Variants in FRMPD2 observed in about 807,000 individuals in gnomAD.
FRMPD2 encodes the protein FERM and PDZ domain-containing protein 2.
In FRMPD2, 96 loss-of-function variants were observed where a neutral mutation model predicts 140.1. The observed-to-expected ratio is 0.69, with a 90% CI of 0.58 to 0.81. The LOEUF (loss-of-function observed/expected upper bound fraction) is 0.81, where lower values mean the gene tolerates loss of function less well. FRMPD2 is among the 40% of genes least tolerant of loss of function. FRMPD2 has a pLI of 0.00. For missense variants in FRMPD2, 1,240 were observed against 1,447.4 expected, an observed-to-expected ratio of 0.86 and a Z score of 2.32; for synonymous variants, 449 against 547.6, an observed-to-expected ratio of 0.82 and a Z score of 2.52.
At chr10:48,159,370 C>T in intron 28 of FRMPD2, 1 of 414,662 alleles carries the variant, frequency 2.4e-6, no homozygotes, top group Non-Finnish European at 4.8e-6. Context: ...CTGGGGATAC[C>T]CAAGGATAGC....
intron 1 of FRMPD2, among the ~76,000 whole-genome samples, chr10:48,255,759 A>C (rs1840477556): frequency 6.6e-6 from 1 of 152,200 alleles, no homozygotes; most frequent in East Asian, 1.9e-4. Context: ...ACTGAAGCTG[A>C]GATTTGGAAG....
intron 1 of FRMPD2, among the ~76,000 whole-genome samples, chr10:48,269,352 C>G (rs1418821161): frequency 6.6e-6 from 1 of 152,136 alleles, no homozygotes; most frequent in Non-Finnish European, 1.5e-5. Flanking sequence ...AATTCTCTGC[C>G]TCCTAGGGAA....
intron 11 of FRMPD2, 92 bp downstream of exon 11, chr10:48,223,031 T>A: frequency 5.2e-6 from 6 of 1,158,234 alleles, no homozygotes; most frequent in Non-Finnish European, 7.4e-6. Flanking sequence ...TAATTTACAG[T>A]TTGCAAAGCA....
intron 1 of FRMPD2, among the ~76,000 whole-genome samples, chr10:48,266,003 A>T (rs746282910): frequency 6.6e-6 from 1 of 152,170 alleles, no homozygotes; most frequent in Non-Finnish European, 1.5e-5. Context: ...AAGAAAATGT[A>T]GTATATATAC....
At position 48,157,234 on chromosome 10, in the gene FRMPD2, T is replaced by C. The variant is rs1490556533; in HGVS notation, c.*88A>G. 1.5e-6 allele frequency: 1 copy of C among 661,150 alleles called. No individual in the cohort carries two copies. Among genetic ancestry groups the C allele is most frequent in the Non-Finnish European group, 2.8e-6 (1 of 358,468 alleles). The allele number at this position is 661,150 out of a possible 1,614,324, so 41.0% of individuals were successfully genotyped here. A position where few individuals can be genotyped will look rare whatever the true frequency, so the allele number is the denominator to read the frequency against. On this transcript the variant is annotated 3_prime_UTR_variant, in exon 29 of 29. Coordinates refer to ENST00000374201, the MANE Select transcript of FRMPD2 (RefSeq NM_001018071.4). ...CAAGACTTCCAGGGGCTGCCCCAAGTTCGCCACACACGCCTCTTGATTAGA... is the reference window on the plus strand; with the variant it reads ...CAAGACTTCCAGGGGCTGCCCCAAGCTCGCCACACACGCCTCTTGATTAGA...
rs79472199 is a variant in FRMPD2, at chr10:48,194,816, C to T, written c.1955-1922G>A. On this transcript the variant is annotated intron_variant, in intron 15 of 28. Transcript: ENST00000374201. Reference sequence around the variant, plus strand: ...CTGGTGAGTGCCAGTGTCATCGCCACGCCTCAGCTTCATGGGGCTGACTGG... The same window carrying T: ...CTGGTGAGTGCCAGTGTCATCGCCATGCCTCAGCTTCATGGGGCTGACTGG... Among the ~76,000 whole-genome samples, 493 of 152,212 alleles carry T rather than the reference C, an allele frequency of 3.2e-3. 1 individual carries two copies. Among genetic ancestry groups the T allele is most frequent in the African/African-American group, 0.011 (454 of 41,524 alleles).
chr10:48,203,884 C>T (rs527924566), intron 14 of FRMPD2, among the ~76,000 whole-genome samples: 3 of 152,268 alleles, frequency 2.0e-5, no homozygotes, highest in South Asian at 4.1e-4. Context: ...CACGTCCCTT[C>T]GCACCAGGTG....
intron 7 of FRMPD2, among the ~76,000 whole-genome samples, chr10:48,239,059 C>T (rs1468538017): frequency 5.9e-5 from 9 of 152,148 alleles, no homozygotes; most frequent in East Asian, 3.9e-4. Flanking sequence ...GCCATTGTCA[C>T]GAGAACAATC....
At chr10:48,176,668 ATATT>A (rs1838417428) in intron 22 of FRMPD2, among the ~76,000 whole-genome samples, 2 of 151,520 alleles carry the variant, frequency 1.3e-5, no homozygotes, top group African/African-American at 4.9e-5. Context: ...CAGCAAATAT[ATATT>A]TGTGAATAAC....
intron 20 of FRMPD2, among the ~76,000 whole-genome samples, chr10:48,182,619 T>A (rs1226791982): frequency 6.6e-6 from 1 of 152,160 alleles, no homozygotes; most frequent in Non-Finnish European, 1.5e-5. Flanking sequence ...AACCCCACCA[T>A]GATGAAGGCA....
At chr10:48,256,222 C>CA (rs1021243650) in intron 1 of FRMPD2, among the ~76,000 whole-genome samples, 6 of 152,166 alleles carry the variant, frequency 3.9e-5, no homozygotes, top group African/African-American at 1.4e-4. Flanking sequence ...CCTGCCCCCC[C>CA]ACCCAGGAAG....
At chr10:48,216,857 C>T (rs1839462446) in intron 12 of FRMPD2, among the ~76,000 whole-genome samples, 1 of 152,228 alleles carries the variant, frequency 6.6e-6, no homozygotes, top group African/African-American at 2.4e-5. Context: ...GCTTAGAGCA[C>T]CCTCCTCCCA....
At position 48,249,005 on chromosome 10, in the gene FRMPD2, T is replaced by G; in HGVS notation, c.309+16A>C. On this transcript the variant is annotated intron_variant, in intron 3 of 28. Coordinates refer to ENST00000374201, the MANE Select transcript of FRMPD2 (RefSeq NM_001018071.4). ...GGCACAGGACTCAGAAGTTGCAGAG[T>G]AGCTGCACAGCTTACCTGAGATGCA... 1 of 1,594,196 alleles carries G rather than the reference T, an allele frequency of 6.3e-7. No individual in the cohort carries two copies. The highest frequency in any genetic ancestry group is 8.6e-7 in the Non-Finnish European group (1 of 1,168,414).
chr10:48,198,964 T>C (rs1476262289), intron 15 of FRMPD2, among the ~76,000 whole-genome samples: 1 of 152,220 alleles, frequency 6.6e-6, no homozygotes, highest in Non-Finnish European at 1.5e-5. Context: ...CTGGAAGCCA[T>C]AATCCTAAGC....
At chr10:48,173,611 T>C (rs1838324855) in intron 24 of FRMPD2, among the ~76,000 whole-genome samples, 2 of 152,114 alleles carry the variant, frequency 1.3e-5, no homozygotes, top group Admixed American at 1.3e-4. Context: ...GTCCACCCCA[T>C]CATGGCTGCC....
At chr10:48,187,818 T>A (rs1838724946) in intron 16 of FRMPD2, among the ~76,000 whole-genome samples, 2 of 152,182 alleles carry the variant, frequency 1.3e-5, no homozygotes, top group African/African-American at 4.8e-5. Flanking sequence ...ACCTGCTTGA[T>A]CATTGTACAT....
At position 48,187,297 on chromosome 10, in the gene FRMPD2, C is replaced by T. The variant is rs115290078; in HGVS notation, c.2166-5G>A. ...TGCTCCCGGCCAGTGCAGGGGCTGC[C>T]GGGAAAAGAAAATGAGGTTAGATAA... is the stretch of plus-strand genomic sequence containing the variant. On this transcript the variant is annotated splice_region_variant and splice_polypyrimidine_tract_variant and intron_variant, in intron 16 of 28. Transcript: ENST00000374201. 224 of 1,613,174 alleles carry T rather than the reference C, an allele frequency of 1.4e-4. No individual in the cohort carries two copies. Among genetic ancestry groups the T allele is most frequent in the Middle Eastern group, 8.2e-4 (5 of 6,080 alleles).
chr10:48,265,036 A>G (rs557251658), intron 1 of FRMPD2, among the ~76,000 whole-genome samples: 4 of 152,220 alleles, frequency 2.6e-5, no homozygotes, highest in Admixed American at 6.5e-5. Context: ...ATGGAACAGA[A>G]TAGACAGCCC....
rs751860207 is a variant in FRMPD2, at chr10:48,274,545, G to A, written c.23C>T (p.Ala8Val). 6.2e-7 allele frequency: 1 copy of A among 1,613,982 alleles called. No individual in the cohort carries two copies. Among genetic ancestry groups the A allele is most frequent in the East Asian group, 2.2e-5 (1 of 44,876 alleles). Residue 8 changes from alanine to valine, a missense_variant and splice_region_variant, in exon 1 of 29, where the codon GCA (alanine) becomes GTA (valine). By Grantham distance (64) the Ala-to-Val change is moderately conservative (BLOSUM62 0). Transcript: ENST00000374201. ...AACTGAATGATGCCAAGGAATACCTGCGTCCTTCGTTAAAGGCTGCATCCA... is the reference window on the plus strand; with the variant it reads ...AACTGAATGATGCCAAGGAATACCTACGTCCTTCGTTAAAGGCTGCATCCA... MQPLTKD[A>V]GMSLSSVTLA...
Sources: allele counts gnomAD v4.1 joint callset (sites outside exome capture counted in the v4.1 genomes callset), GRCh38; gene constraint gnomAD v4.1.1; transcripts MANE v1.5; gene names NCBI Gene and HGNC (gene_info 2026-07-23, HGNC 2026-07-21).